The following ST7 variants were observed in gnomAD, a reference collection of about 807,000 sequenced individuals.
ST7 encodes the protein suppression of tumorigenicity 7.
ST7 carries 28 observed loss-of-function variants against 78.7 expected under a neutral mutation model. That is an observed-to-expected ratio of 0.36 (90% CI 0.26 to 0.49). The LOEUF (loss-of-function observed/expected upper bound fraction) is 0.49. Ranked by LOEUF, ST7 falls within the 20% of genes least tolerant of loss-of-function variation. The probability of loss-of-function intolerance (pLI) is 0.99; values close to 1 mark genes in which losing one functional copy is unlikely to be tolerated. For missense variants in ST7, 418 were observed against 696.0 expected, an observed-to-expected ratio of 0.60 and a Z score of 4.49; for synonymous variants, 247 against 249.6, an observed-to-expected ratio of 0.99 and a Z score of 0.10.
At chr7:117,124,635 G>A (rs1341180820) in intron 3 of ST7, among the ~76,000 whole-genome samples, 6 of 152,172 alleles carry the variant, frequency 3.9e-5, no homozygotes, top group African/African-American at 1.2e-4. Context: ...ATTGCCAGTG[G>A]TTGACAGCTC....
chr7:116,978,993 G>A (rs760230674), intron 1 of ST7, among the ~76,000 whole-genome samples: 2 of 152,312 alleles, frequency 1.3e-5, no homozygotes, highest in Non-Finnish European at 2.9e-5. Context: ...ACAAAGGATA[G>A]CACAGTACCC....
intron 12 of ST7, chr7:117,198,172 T>A: frequency 3.3e-6 from 1 of 302,952 alleles, no homozygotes. Context: ...CTTGTTTTGA[T>A]AAAATGAGGA....
chr7:117,114,447 C>T (rs1194759111), intron 2 of ST7, among the ~76,000 whole-genome samples: 2 of 151,668 alleles, frequency 1.3e-5, no homozygotes, highest in African/African-American at 2.4e-5. Flanking sequence ...TTTTTGAAGA[C>T]TTGGAGCAGG....
rs188988550 is a variant in ST7, at chr7:117,103,325, A to G, written c.234+3481A>G. On this transcript the variant is annotated intron_variant, in intron 2 of 15. Transcript: ENST00000323984. ...TCCTGAGCAAAAAGAACAAAACTGG[A>G]GGCATCACACTATCTGACTTCAAAA... Among the ~76,000 whole-genome samples the G allele has an allele frequency of 2.2e-3, 332 of 152,338 alleles. 4 individuals carry two copies. The highest frequency in any genetic ancestry group is 3.5e-4 in the Non-Finnish European group (24 of 68,036).
chr7:117,161,591 CTTTTTTTTTTTT>C (rs60505994), intron 9 of ST7, among the ~76,000 whole-genome samples: 7 of 113,584 alleles, frequency 6.2e-5, no homozygotes, highest in South Asian at 2.9e-4. Flanking sequence ...TTCTTTCTTT[CTTTTTTTTTTTT>C]TTTTTTTTCT....
intron 1 of ST7, among the ~76,000 whole-genome samples, chr7:117,045,274 A>G (rs2116322398): frequency 2.0e-5 from 3 of 152,190 alleles, no homozygotes; most frequent in Middle Eastern, 6.8e-3. Context: ...GTAGTTTTCC[A>G]TCACCCTCAG....
intron 1 of ST7, among the ~76,000 whole-genome samples, chr7:117,096,538 G>T (rs983437679): frequency 6.6e-6 from 1 of 152,152 alleles, no homozygotes; most frequent in African/African-American, 2.4e-5. Flanking sequence ...TAATATTCCC[G>T]TGTGTCCCCT....
intron 13 of ST7, among the ~76,000 whole-genome samples, chr7:117,215,836 A>G (rs1368262809): frequency 6.6e-6 from 1 of 152,212 alleles, no homozygotes; most frequent in African/African-American, 2.4e-5. Flanking sequence ...TGCTTGTCAC[A>G]TAAGAAGCCA....
At position 116,953,614 on chromosome 7, in the gene ST7, C is replaced by T. The variant is rs1792256427; in HGVS notation, c.74C>T (p.Thr25Ile). 6.6e-6 allele frequency: 10 copies of T among 1,512,138 alleles called. No homozygotes were observed. The highest frequency in any genetic ancestry group is 8.9e-6 in the Non-Finnish European group (10 of 1,118,566). 93.7% of individuals were successfully genotyped at this position (1,512,138 alleles called of 1,614,324 possible). A position where few individuals can be genotyped will look rare whatever the true frequency, so the allele number is the denominator to read the frequency against. Residue 25 changes from threonine (T) to isoleucine (I), a missense_variant, in exon 1 of 16, where the codon ACC (threonine) becomes ATC (isoleucine). By Grantham distance (89) the Thr-to-Ile change is moderately conservative (BLOSUM62 -1). Coordinates refer to ENST00000323984, the MANE Select transcript of ST7 (RefSeq NM_001369598.1). ...CIVWSWTYLWTVWFFIVLFLV... is the reference protein window; with the variant it reads ...CIVWSWTYLWIVWFFIVLFLV... ...GTTTGGTCTTGGACGTATCTGTGGA[C>T]CGTGTGGTTCTTCATCGTGCTATTC...
At position 117,130,538 on chromosome 7, in the gene ST7, A is replaced by G; in HGVS notation, c.497A>G (p.Asn166Ser). 1.2e-6 allele frequency: 2 copies of G among 1,611,560 alleles called. No homozygotes were observed. The highest frequency in any genetic ancestry group is 1.7e-6 in the Non-Finnish European group (2 of 1,178,380). Residue 166 changes from asparagine (N) to serine (S), a missense_variant, in exon 5 of 16, where the codon AAT becomes AGT. Coordinates refer to ENST00000323984, the MANE Select transcript of ST7 (RefSeq NM_001369598.1). ...GREPLTYYDMNLSAQDHQTFF... is the reference protein window; with the variant it reads ...GREPLTYYDMSLSAQDHQTFF... ...GAGCCTCTTACTTACTATGACATGA[A>G]TCTCTCTGCCCAAGACCACCAGACA...
chr7:117,029,047 T>C (rs1181161223), intron 1 of ST7, among the ~76,000 whole-genome samples: 1 of 152,228 alleles, frequency 6.6e-6, no homozygotes, highest in Non-Finnish European at 1.5e-5. Flanking sequence ...ATTTTGTATG[T>C]TAAATATATA....
chr7:117,121,220 A>G (rs1803340391), intron 3 of ST7, among the ~76,000 whole-genome samples: 1 of 152,232 alleles, frequency 6.6e-6, no homozygotes, highest in South Asian at 2.1e-4. Context: ...AAGATTCCTC[A>G]TTAGAATAAT....
In ST7 at chr7:117,190,717, G is replaced by T; in HGVS notation, c.1152-117G>T. The stretch of plus-strand genomic sequence containing the variant: ...CAGAGGTTCCATGCAGTAGAAGTTT[G>T]GAGAGCTCATGCTATTGGCTCACTG... On this transcript the variant is annotated intron_variant, in intron 11 of 15. Transcript: ENST00000323984. This position sits in a 1 kb window ranked among gnomAD's most constrained non-coding sequence, Gnocchi z 5.2. 2 of 750,242 alleles carry T rather than the reference G, an allele frequency of 2.7e-6. No homozygotes were observed. The highest frequency in any genetic ancestry group is 3.4e-5 in the South Asian group (2 of 58,980). The allele number at this position is 750,242 out of a possible 1,614,324, so 46.5% of individuals were successfully genotyped here.
intron 3 of ST7, among the ~76,000 whole-genome samples, chr7:117,125,499 A>G (rs1041657703): frequency 3.9e-5 from 6 of 152,102 alleles, no homozygotes; most frequent in Non-Finnish European, 7.4e-5. Flanking sequence ...TTTACTTCTA[A>G]TCATTGTTTC....
Position 117,017,874 on chromosome 7 carries a change from A to G in ST7, c.151+64183A>G, listed in dbSNP as rs374158807. Reference sequence around the variant, plus strand: ...AGGCCTCCACATAACAGAAATCTTCATAGGAGTCAGAGGGTGTGATTTGTG... The same window carrying G: ...AGGCCTCCACATAACAGAAATCTTCGTAGGAGTCAGAGGGTGTGATTTGTG... On this transcript the variant is annotated intron_variant, in intron 1 of 15. Transcript: ENST00000323984. Among the ~76,000 whole-genome samples, 7 of 152,304 alleles carry G rather than the reference A, an allele frequency of 4.6e-5. No homozygotes were observed. The East Asian group carries it at 9.6e-4, about 21-fold the overall frequency.
Position 117,229,770 on chromosome 7 carries a change from C to T in ST7, c.1647C>T (p.Ser549=), listed in dbSNP as rs942145470. ...GTCTGGTTTCTTTGCAGTTCCTCAG[C>T]ACTTTGTTTGCCCCCTTAAACTTTG... ...LMGVFAKAFL[S]TLFAPLNFVM... is the part of the protein sequence containing the mutation. Residue 549 remains serine, a synonymous_variant, in exon 16 of 16, where the codon AGC becomes AGT. Coordinates refer to ENST00000323984, the MANE Select transcript of ST7 (RefSeq NM_001369598.1). 1.2e-6 allele frequency: 2 copies of T among 1,611,378 alleles called. No homozygotes were observed. The highest frequency in any genetic ancestry group is 1.7e-5 in the Admixed American group (1 of 59,948).
intron 1 of ST7, chr7:116,972,721 T>G: frequency 1.1e-6 from 1 of 925,274 alleles, no homozygotes; most frequent in Non-Finnish European, 1.8e-6. Context: ...CTGAGCACAG[T>G]CCAGCTTCTC....
intron 1 of ST7, among the ~76,000 whole-genome samples, chr7:116,976,782 G>A (rs76343255): frequency 0.084 from 12,720 of 152,056 alleles, 566 homozygotes; most frequent in East Asian, 0.12. Context: ...CCACATGGTT[G>A]TACCATTATA....
At chr7:117,096,397 G>A (rs754022068) in intron 1 of ST7, among the ~76,000 whole-genome samples, 1 of 152,112 alleles carries the variant, frequency 6.6e-6, no homozygotes, top group Non-Finnish European at 1.5e-5. Context: ...TCTAGAAAAG[G>A]CCGAGATAAA....
Sources: allele counts gnomAD v4.1 joint callset (sites outside exome capture counted in the v4.1 genomes callset), GRCh38; gene constraint gnomAD v4.1.1; non-coding constraint Gnocchi (gnomAD v3.1); transcripts MANE v1.5; gene names NCBI Gene and HGNC (gene_info 2026-07-23, HGNC 2026-07-21).